The following ACVR2B variants were observed in gnomAD, a reference collection of about 807,000 sequenced individuals.
ACVR2B encodes activin A receptor type 2B.
ACVR2B carries 18 observed loss-of-function variants against 65.1 expected under a neutral mutation model. The ratio of observed to expected loss-of-function variants is 0.28; its 90% CI spans 0.19 to 0.41. The LOEUF is 0.41. Ranked by LOEUF, ACVR2B falls within the 10% of genes least tolerant of loss-of-function variation. ACVR2B has a pLI of 1.00. For missense variants in ACVR2B, 482 were observed against 682.7 expected, an observed-to-expected ratio of 0.71 and a Z score of 3.28; for synonymous variants, 298 against 277.7, an observed-to-expected ratio of 1.07 and a Z score of -0.73.
rs1331036290 is a variant in ACVR2B at position 38,483,042 on chromosome 3, G to C, written c.1345-96G>C. On this transcript the variant is annotated intron_variant, in intron 10 of 10. Coordinates refer to ENST00000352511, the MANE Select transcript of ACVR2B (RefSeq NM_001106.4). The surrounding 1 kb of genome is among the most constrained non-coding windows in gnomAD (Gnocchi z 4.8). ...TGGTTGGGGCTGGTGGGCTCTGCCT[G>C]ATCCTTGGGAATATCAAGTTTACTG... 3.4e-6 allele frequency: 5 copies of C among 1,450,660 alleles called. No individual in the cohort carries two copies. Among genetic ancestry groups the C allele is most frequent in the Non-Finnish European group, 4.8e-6 (5 of 1,034,454 alleles). 89.9% of individuals were successfully genotyped at this position (1,450,660 alleles called of 1,614,324 possible).
rs752962149 is a variant in ACVR2B, at chr3:38,485,027, C to G, written c.*1695C>G. ...GTCTGGGCCAAGTCTGGGCATTTAT[C>G]AGTCTTGTTTGTGAAGGCTTTTCCT... On this transcript the variant is annotated 3_prime_UTR_variant, in exon 11 of 11. Transcript: ENST00000352511. 3.9e-5 allele frequency: 6 copies of G among 152,392 alleles called. No individual in the cohort carries two copies. Among genetic ancestry groups the G allele is most frequent in the Non-Finnish European group, 7.3e-5 (5 of 68,036 alleles). The allele number at this position is 152,392 out of a possible 1,614,324, so 9.4% of individuals were successfully genotyped here.
chr3:38,483,984 G>C lies in ACVR2B; in HGVS notation c.*652G>C, dbSNP rs951276643. 1 of 153,266 alleles carries C rather than the reference G, an allele frequency of 6.5e-6. No homozygotes were observed. Among genetic ancestry groups the C allele is most frequent in the African/African-American group, 2.4e-5 (1 of 41,458 alleles). The allele number at this position is 153,266 out of a possible 1,614,324, so 9.5% of individuals were successfully genotyped here. ...GAGTTGGAAGGGGAGGACGGTACTG[G>C]GGGTAGGGTTTGGAACAGAGCTACA... is the stretch of plus-strand genomic sequence containing the variant. On this transcript the variant is annotated 3_prime_UTR_variant, in exon 11 of 11. Coordinates refer to ENST00000352511, the MANE Select transcript of ACVR2B (RefSeq NM_001106.4). This position sits in a 1 kb window ranked among gnomAD's most constrained non-coding sequence, Gnocchi z 4.8.
chr3:38,457,335 C>T (rs1709567129), intron 1 of ACVR2B, among the ~76,000 whole-genome samples: 1 of 152,226 alleles, frequency 6.6e-6, no homozygotes. Flanking sequence ...ACAGAACATC[C>T]TCAACTCTAA....
intron 1 of ACVR2B, among the ~76,000 whole-genome samples, chr3:38,459,395 C>G (rs765724403): frequency 6.6e-6 from 1 of 152,192 alleles, no homozygotes; most frequent in Non-Finnish European, 1.5e-5. Flanking sequence ...CGCCTCTGAC[C>G]GTTGCCTTAA....
chr3:38,464,986 A>G (rs776974936), intron 1 of ACVR2B, among the ~76,000 whole-genome samples: 2 of 152,202 alleles, frequency 1.3e-5, no homozygotes, highest in African/African-American at 2.4e-5. Context: ...AATTATCTCT[A>G]TAATTTTGCA....
intron 1 of ACVR2B, among the ~76,000 whole-genome samples, chr3:38,466,507 CT>C (rs71085326): frequency 8.4e-4 from 121 of 143,776 alleles, no homozygotes; most frequent in African/African-American, 5.7e-4. Context: ...ACCAAAACTT[CT>C]TTTTTTTTTT....
chr3:38,473,602 C>T (rs553249760), intron 1 of ACVR2B: 8 of 152,438 alleles, frequency 5.2e-5, no homozygotes, highest in African/African-American at 1.9e-4. Flanking sequence ...GGCATGGGCT[C>T]TGAACATAAA....
intron 5 of ACVR2B, 145 bp downstream of exon 5, chr3:38,478,663 T>TA: frequency 2.6e-6 from 3 of 1,157,788 alleles, no homozygotes; most frequent in Non-Finnish European, 3.7e-6. Context: ...TTACTCATGT[T>TA]ACACTTGGCT....
rs565732543 is a variant in ACVR2B, at chr3:38,482,006, CAAGTATA to C, written c.1075-190_1075-184del. 1.5e-4 allele frequency among the ~76,000 whole-genome samples: 23 copies of C among 152,098 alleles called. No individual in the cohort carries two copies. In the East Asian group the frequency reaches 2.7e-3, roughly 18 times the overall value. On this transcript the variant is annotated intron_variant, in intron 8 of 10. Transcript: ENST00000352511. Reference sequence around the variant, plus strand: ...GATATAGTATTTAAAAATTATTAGCCAAGTATAATTGATGCTGTGACCTCTTGTAACT... The same window carrying C: ...GATATAGTATTTAAAAATTATTAGCCATTGATGCTGTGACCTCTTGTAACT...
In ACVR2B at chr3:38,492,013, A is replaced by G. The variant is rs2059814048; in HGVS notation, c.*8681A>G. 6.6e-6 allele frequency: 1 copy of G among 152,222 alleles called. No individual in the cohort carries two copies. The highest frequency in any genetic ancestry group is 1.5e-5 in the Non-Finnish European group (1 of 68,026). 9.4% of individuals were successfully genotyped at this position (152,222 alleles called of 1,614,324 possible). A position where few individuals can be genotyped will look rare whatever the true frequency, so the allele number is the denominator to read the frequency against. On this transcript the variant is annotated 3_prime_UTR_variant, in exon 11 of 11. Transcript: ENST00000352511. ...CCACATTTGTCCTTGAATCTGAATAACTTTATACAGTACTGTAAATTTAAC... is the reference window on the plus strand; with the variant it reads ...CCACATTTGTCCTTGAATCTGAATAGCTTTATACAGTACTGTAAATTTAAC...
chr3:38,466,746 A>G (rs1448668616), intron 1 of ACVR2B, among the ~76,000 whole-genome samples: 2 of 151,706 alleles, frequency 1.3e-5, no homozygotes, highest in Non-Finnish European at 2.9e-5. Flanking sequence ...CTCGTGATCC[A>G]CCTCCCTCAG....
chr3:38,482,184 C>G lies in ACVR2B; in HGVS notation c.1075-14C>G. 1 of 1,613,840 alleles carries G rather than the reference C, an allele frequency of 6.2e-7. No homozygotes were observed. The highest frequency in any genetic ancestry group is 8.5e-7 in the Non-Finnish European group (1 of 1,179,978). On this transcript the variant is annotated splice_polypyrimidine_tract_variant and intron_variant, in intron 8 of 10. Coordinates refer to ENST00000352511, the MANE Select transcript of ACVR2B (RefSeq NM_001106.4). ...CAGTCACTGTAAATCCTGCCCTCCT[C>G]TGTCCTCACATAGGTAGGCACGAGA... is the stretch of plus-strand genomic sequence containing the variant.
Position 38,482,512 on chromosome 3 carries a change from G to A in ACVR2B, c.1296G>A (p.Val432=), listed in dbSNP as rs776494725. 6.2e-6 allele frequency: 10 copies of A among 1,611,962 alleles called. No homozygotes were observed. The African/African-American group carries it at 1.2e-4, about 19-fold the overall frequency. ...TGGAGGAGCTGCAGGAGGTGGTGGT[G>A]CACAAGAAGATGAGGCCCACCATTA... ...PSLEELQEVV[V]HKKMRPTIKD... Residue 432 remains valine (V), a synonymous_variant, in exon 10 of 11, where the codon GTG becomes GTA. Transcript: ENST00000352511.
intron 1 of ACVR2B, among the ~76,000 whole-genome samples, chr3:38,471,704 G>A (rs1038502892): frequency 1.3e-5 from 2 of 152,200 alleles, no homozygotes; most frequent in Admixed American, 6.5e-5. Flanking sequence ...CAGGCTGCCT[G>A]GGGTTTGAAG....
intron 1 of ACVR2B, among the ~76,000 whole-genome samples, chr3:38,458,017 C>A (rs575806874): frequency 1.3e-5 from 2 of 152,282 alleles, no homozygotes; most frequent in East Asian, 3.9e-4. Flanking sequence ...GAATGGGTAT[C>A]CTCCCTAGCT....
At position 38,483,327 on chromosome 3, in the gene ACVR2B, A is replaced by T; in HGVS notation, c.1534A>T (p.Ile512Phe). Residue 512 changes from isoleucine to phenylalanine, a missense_variant, in exon 11 of 11, where the codon ATC (isoleucine) becomes TTC (phenylalanine). By Grantham distance (21) the Ile-to-Phe change is conservative. Coordinates refer to ENST00000352511, the MANE Select transcript of ACVR2B (RefSeq NM_001106.4). The surrounding 1 kb of genome is among the most constrained non-coding windows in gnomAD (Gnocchi z 4.8). ...GGACCTGCCCCCTAAAGAGTCAAGC[A>T]TCTAAGCCCAGGACATGAGTGTCTG... ...NVDLPPKESS[I>F] is the part of the protein sequence containing the mutation. 6.2e-7 allele frequency: 1 copy of T among 1,614,148 alleles called. No homozygotes were observed. The highest frequency in any genetic ancestry group is 1.1e-5 in the South Asian group (1 of 91,080).
chr3:38,461,302 C>T (rs1018705135), intron 1 of ACVR2B, among the ~76,000 whole-genome samples: 1 of 152,068 alleles, frequency 6.6e-6, no homozygotes, highest in African/African-American at 2.4e-5. Context: ...TTATTTTATG[C>T]ACTTTTTGGG....
intron 10 of ACVR2B, 43 bp downstream of exon 10, chr3:38,482,603 G>A: frequency 6.2e-7 from 1 of 1,600,146 alleles, no homozygotes; most frequent in Non-Finnish European, 8.5e-7. Flanking sequence ...GGGTGGAGAA[G>A]GGAAAACCCT....
rs1473358186 is a variant in ACVR2B at position 38,477,540 on chromosome 3, T to TA, written c.260+47dup. 1 of 1,592,408 alleles carries TA rather than the reference T, an allele frequency of 6.3e-7. No individual in the cohort carries two copies. Among genetic ancestry groups the TA allele is most frequent in the Admixed American group, 1.7e-5 (1 of 57,332 alleles). On this transcript the variant is annotated intron_variant, in intron 2 of 10. Coordinates refer to ENST00000352511, the MANE Select transcript of ACVR2B (RefSeq NM_001106.4). The surrounding 1 kb of genome is among the most constrained non-coding windows in gnomAD (Gnocchi z 6.7). ...CTTTCCTCTTGGACCCACCTGCGCTTATACTGCCCACTGGGCCATTTGGGT... is the reference window on the plus strand; with the variant it reads ...CTTTCCTCTTGGACCCACCTGCGCTTAATACTGCCCACTGGGCCATTTGGGT...
Sources: allele counts gnomAD v4.1 joint callset (sites outside exome capture counted in the v4.1 genomes callset), GRCh38; gene constraint gnomAD v4.1.1; non-coding constraint Gnocchi (gnomAD v3.1); transcripts MANE v1.5; gene names NCBI Gene and HGNC (gene_info 2026-07-23, HGNC 2026-07-21).